TENT4B: variants seen among roughly 807,000 people sequenced by gnomAD.
The protein encoded by TENT4B is terminal nucleotidyltransferase 4B.
A neutral mutation model predicts 75.0 loss-of-function variants in TENT4B; 10 were observed. The observed-to-expected ratio is 0.13, with a 90% CI of 0.08 to 0.23. The LOEUF (loss-of-function observed/expected upper bound fraction) is 0.23, where lower values mean the gene tolerates loss of function less well. Ranked by LOEUF, TENT4B falls within the 10% of genes least tolerant of loss-of-function variation. The pLI is 1.00. For synonymous variants in TENT4B, 350 were observed against 357.7 expected (o/e 0.98, Z 0.24); for missense variants, 579 against 893.8 (o/e 0.65, Z 4.49).
At chr16:50,193,782 T>C (rs1415469924) in intron 1 of TENT4B, among the ~76,000 whole-genome samples, 1 of 152,168 alleles carries the variant, frequency 6.6e-6, no homozygotes, top group Admixed American at 6.5e-5. Context: ...GGAGGGCTGG[T>C]GGCTGCCATA....
At chr16:50,162,422 C>T (rs1464891415) in intron 1 of TENT4B, among the ~76,000 whole-genome samples, 1 of 152,088 alleles carries the variant, frequency 6.6e-6, no homozygotes, top group Non-Finnish European at 1.5e-5. Flanking sequence ...TCTTATATTC[C>T]TATCAACAAT....
Position 50,154,021 on chromosome 16 carries a change from T to C in TENT4B, c.400T>C (p.Ser134Pro). The C allele has an allele frequency of 6.5e-7, 1 of 1,533,354 alleles. No homozygotes were observed. Among genetic ancestry groups the C allele is most frequent in the Non-Finnish European group, 8.7e-7 (1 of 1,145,866 alleles). 95.0% of individuals were successfully genotyped at this position (1,533,354 alleles called of 1,614,324 possible). The change falls in exon 1 of 12, where the codon TCG becomes CCG. Residue 134 changes from serine to proline, a missense_variant. This residue lies in a region of TENT4B where 253 missense variants were observed against 270.1 expected (regional missense o/e 0.94). Coordinates refer to ENST00000561678, the MANE Select transcript of TENT4B (RefSeq NM_001365324.3). ...GGGCTCCTCGGCGTCCTCGCCTCCC[T>C]CGGCGTCCTCGTCCCCGCACCCTTC... is the stretch of plus-strand genomic sequence containing the variant. ...RAGSSASSPPSASSSPHPSAA... is the reference protein window; with the variant it reads ...RAGSSASSPPPASSSPHPSAA...
rs773243292 is a variant in TENT4B, at chr16:50,217,645, C to T, written c.1020C>T (p.Leu340=). 72 of 1,524,344 alleles carry T rather than the reference C, an allele frequency of 4.7e-5. No individual in the cohort carries two copies. Among genetic ancestry groups the T allele is most frequent in the Non-Finnish European group, 6.3e-5 (72 of 1,137,952 alleles). 94.4% of individuals were successfully genotyped at this position (1,524,344 alleles called of 1,614,324 possible). A position where few individuals can be genotyped will look rare whatever the true frequency, so the allele number is the denominator to read the frequency against. The part of the protein sequence containing the change: ...NVQNGVRAAD[L]IKDFTKKYPV... ...AGAATGGCGTGAGAGCAGCTGACCT[C>T]ATCAAAGATTTTACCAAGGTCAGAG... Residue 340 remains leucine (L), a synonymous_variant, in exon 5 of 12, where the codon CTC becomes CTT. Coordinates refer to ENST00000561678, the MANE Select transcript of TENT4B (RefSeq NM_001365324.3).
At chr16:50,154,529 C>T (rs955620345) in intron 1 of TENT4B, among the ~76,000 whole-genome samples, 2 of 152,004 alleles carry the variant, frequency 1.3e-5, no homozygotes, top group East Asian at 3.9e-4. Context: ...CACACCTTCC[C>T]CAGGCCCCCC....
chr16:50,212,577 CA>C (rs1218616437), intron 2 of TENT4B, among the ~76,000 whole-genome samples: 1 of 152,000 alleles, frequency 6.6e-6, no homozygotes, highest in Non-Finnish European at 1.5e-5. Context: ...GTAAAACTTG[CA>C]AGTATATGAC....
chr16:50,166,821 A>T (rs933075338), intron 1 of TENT4B, among the ~76,000 whole-genome samples: 2 of 141,576 alleles, frequency 1.4e-5, no homozygotes, highest in Non-Finnish European at 3.0e-5. Context: ...GTATAGACAG[A>T]GTCTCACCTT....
In TENT4B at chr16:50,154,018, C is replaced by G; in HGVS notation, c.397C>G (p.Pro133Ala). The change falls in exon 1 of 12, where the codon CCC becomes GCC. Residue 133 changes from proline (P) to alanine (A), a missense_variant. Physicochemically the swap from Pro to Ala is conservative, Grantham distance 27. This residue lies in a region of TENT4B where 253 missense variants were observed against 270.1 expected (regional missense o/e 0.94). Transcript: ENST00000561678. ...GGCGGGCTCCTCGGCGTCCTCGCCT[C>G]CCTCGGCGTCCTCGTCCCCGCACCC... is the stretch of plus-strand genomic sequence containing the variant. Reference protein sequence around the residue: ...RRAGSSASSPPSASSSPHPSA... With the variant: ...RRAGSSASSPASASSSPHPSA... 6.5e-7 allele frequency: 1 copy of G among 1,533,486 alleles called. No individual in the cohort carries two copies. Among genetic ancestry groups the G allele is most frequent in the South Asian group, 1.2e-5 (1 of 83,764 alleles). The allele number at this position is 1,533,486 out of a possible 1,614,324, so 95.0% of individuals were successfully genotyped here.
intron 1 of TENT4B, among the ~76,000 whole-genome samples, chr16:50,209,578 T>C (rs140736304): frequency 3.2e-4 from 48 of 152,326 alleles, no homozygotes; most frequent in African/African-American, 1.1e-3. Flanking sequence ...TTATGACATA[T>C]TGCATAGCAA....
At chr16:50,166,373 C>T (rs1271377468) in intron 1 of TENT4B, among the ~76,000 whole-genome samples, 3 of 152,230 alleles carry the variant, frequency 2.0e-5, no homozygotes, top group Admixed American at 6.5e-5. Flanking sequence ...GCGTGAGCCA[C>T]TGCACCCAGT....
intron 5 of TENT4B, among the ~76,000 whole-genome samples, chr16:50,218,924 A>AT (rs957298685): frequency 1.7e-4 from 25 of 148,058 alleles, no homozygotes; most frequent in South Asian, 8.6e-4. Context: ...AATATTCACA[A>AT]TTTTTTTTTT....
intron 1 of TENT4B, among the ~76,000 whole-genome samples, chr16:50,192,054 C>T (rs367918265): frequency 1.3e-5 from 2 of 151,964 alleles, no homozygotes; most frequent in African/African-American, 4.8e-5. Flanking sequence ...CCAGCCTGGG[C>T]AACATGGTGA....
intron 1 of TENT4B, among the ~76,000 whole-genome samples, chr16:50,210,848 A>G (rs1195786380): frequency 6.6e-6 from 1 of 152,206 alleles, no homozygotes; most frequent in Non-Finnish European, 1.5e-5. Flanking sequence ...TTTGCCAGCC[A>G]TTCTTTTCAA....
At chr16:50,181,736 G>T (rs2038420611) in intron 1 of TENT4B, among the ~76,000 whole-genome samples, 1 of 152,152 alleles carries the variant, frequency 6.6e-6, no homozygotes, top group Non-Finnish European at 1.5e-5. Context: ...TACATGTGCT[G>T]TGTCTTCTGG....
chr16:50,213,170 C>G (rs1160254674), intron 2 of TENT4B, among the ~76,000 whole-genome samples: 1 of 152,066 alleles, frequency 6.6e-6, no homozygotes, highest in African/African-American at 2.4e-5. Context: ...AGAAATTTTC[C>G]TGTCTCAGCC....
At chr16:50,175,580 GT>G (rs1352162991) in intron 1 of TENT4B, among the ~76,000 whole-genome samples, 1 of 151,860 alleles carries the variant, frequency 6.6e-6, no homozygotes, top group Non-Finnish European at 1.5e-5. Flanking sequence ...TGACTCCCTG[GT>G]TCAAGGGATT....
intron 2 of TENT4B, among the ~76,000 whole-genome samples, chr16:50,213,693 AACCAACAATGG>A (rs925727861): frequency 6.6e-6 from 1 of 152,200 alleles, no homozygotes; most frequent in Non-Finnish European, 1.5e-5. Context: ...CTCCATATTA[AACCAACAATGG>A]ATTGAAAATA....
chr16:50,180,658 A>C (rs907784113), intron 1 of TENT4B, among the ~76,000 whole-genome samples: 2 of 152,050 alleles, frequency 1.3e-5, no homozygotes, highest in Non-Finnish European at 2.9e-5. Flanking sequence ...GCAGTGAGGC[A>C]AGATCGTGCC....
chr16:50,178,327 C>T (rs976653155), intron 1 of TENT4B, among the ~76,000 whole-genome samples: 2 of 151,614 alleles, frequency 1.3e-5, no homozygotes, highest in African/African-American at 4.9e-5. Context: ...GGTATGGTGG[C>T]ATATACCTGT....
At chr16:50,178,949 A>G (rs1407922262) in intron 1 of TENT4B, among the ~76,000 whole-genome samples, 1 of 152,252 alleles carries the variant, frequency 6.6e-6, no homozygotes, top group African/African-American at 2.4e-5. Context: ...CCTAAAAATG[A>G]TTAAAATGGT....
Sources: allele counts gnomAD v4.1 joint callset (sites outside exome capture counted in the v4.1 genomes callset), GRCh38; gene constraint gnomAD v4.1.1; regional missense constraint gnomAD v4.1.1; transcripts MANE v1.5; gene names NCBI Gene and HGNC (gene_info 2026-07-23, HGNC 2026-07-21).